INO80: variants seen among roughly 807,000 people sequenced by gnomAD.
INO80 encodes chromatin-remodeling ATPase INO80.
In INO80, 20 loss-of-function variants were observed where a neutral mutation model predicts 203.4. That is an observed-to-expected ratio of 0.10 (90% confidence interval 0.07 to 0.14). INO80 has a LOEUF of 0.14. Among genes scored for constraint, INO80 ranks in the 10% least tolerant of loss-of-function variants. The probability of loss-of-function intolerance (pLI) is 1.00; values close to 1 mark genes in which losing one functional copy is unlikely to be tolerated. For missense variants in INO80, 1,419 were observed against 1,914.4 expected (o/e 0.74, Z 4.83); for synonymous variants, 726 against 685.2 (o/e 1.06, Z -0.93).
At chr15:41,077,359 C>CAAAAAAAAAAAAAAA (rs750218617) in intron 9 of INO80, among the ~76,000 whole-genome samples, 1 of 74,468 alleles carries the variant, frequency 1.3e-5, no homozygotes, top group Non-Finnish European at 3.2e-5. Flanking sequence ...GGGAATACAG[C>CAAAAAAAAAAAAAAA]AAAAAAAAAA....
chr15:41,038,115 A>T (rs1176375675), intron 24 of INO80, among the ~76,000 whole-genome samples: 1 of 144,890 alleles, frequency 6.9e-6, no homozygotes, highest in Non-Finnish European at 1.5e-5. Flanking sequence ...CCCGTTTTCA[A>T]GTGATTCTCC....
In INO80 at chr15:41,074,461, T is replaced by C; in HGVS notation, c.1236A>G (p.Glu412=). 1 of 1,614,088 alleles carries C rather than the reference T, an allele frequency of 6.2e-7. No individual in the cohort carries two copies. Among genetic ancestry groups the C allele is most frequent in the Non-Finnish European group, 8.5e-7 (1 of 1,179,926 alleles). ...KRDMGHDGIQ[E]EILRKLEDSS... is the part of the protein sequence containing the mutation. ...TGTCTTCCAGTTTCCTTAGGATTTC[T>C]TCCTGGATACCATCATGACCCATAT... is the stretch of plus-strand genomic sequence containing the variant. Residue 412 remains glutamate, a synonymous_variant, in exon 10 of 36, where the codon GAA becomes GAG. Transcript: ENST00000648947.
rs547461651 is a variant in INO80 at position 41,054,800 on chromosome 15, G to A, written c.2188+447C>T. ...ATTACAGGTACCCGCCATCATGCCC[G>A]GCTAATTTTTGCGTTTTTGTAGAGA... On this transcript the variant is annotated intron_variant, in intron 18 of 35. Transcript: ENST00000648947. Among the ~76,000 whole-genome samples, 74 of 152,172 alleles carry A rather than the reference G, an allele frequency of 4.9e-4. 2 individuals carry two copies. Among genetic ancestry groups the A allele is most frequent in the African/African-American group, 1.6e-3 (65 of 41,516 alleles).
At position 41,082,856 on chromosome 15, in the gene INO80, C is replaced by A. The variant is rs181446319; in HGVS notation, c.874-1783G>T. ...CCAAGATGAGTCCACTGCACTCCAG[C>A]CTGGGCAACAGAACAAGACCCTATC... is the stretch of plus-strand genomic sequence containing the variant. On this transcript the variant is annotated intron_variant, in intron 7 of 35. Coordinates refer to ENST00000648947, the MANE Select transcript of INO80 (RefSeq NM_017553.3). Among the ~76,000 whole-genome samples, 19 of 152,184 alleles carry A rather than the reference C, an allele frequency of 1.2e-4. No individual in the cohort carries two copies. In the South Asian group the frequency reaches 2.1e-3, roughly 17 times the overall value.
chr15:40,992,524 T>G (rs1164287517), intron 29 of INO80, among the ~76,000 whole-genome samples: 2 of 152,236 alleles, frequency 1.3e-5, no homozygotes, highest in Non-Finnish European at 2.9e-5. Context: ...TTTAGGTTGA[T>G]TAATCTCTTC....
At chr15:41,059,836 A>C in intron 15 of INO80, 31 bp downstream of exon 15, 1 of 1,408,368 alleles carries the variant, frequency 7.1e-7, no homozygotes. Context: ...CATGTACGGT[A>C]CGTATGTATG....
rs368293981 is a variant in INO80, at chr15:40,987,885, A to G, written c.3660T>C (p.Thr1220=). 6 of 1,614,046 alleles carry G rather than the reference A, an allele frequency of 3.7e-6. No individual in the cohort carries two copies. In the African/African-American group the frequency reaches 8.0e-5, roughly 22 times the overall value. The change falls in exon 30 of 36, where the codon ACT becomes ACC. Residue 1220 remains threonine, a synonymous_variant. Transcript: ENST00000648947. The part of the protein sequence containing the change: ...AHRLGQTKQV[T]VYRLICKGTI... ...TGCCTTTACAGATGAGCCGGTACAC[A>G]GTAACCTGCTTTGTCTGCCCTAAGC... is the stretch of plus-strand genomic sequence containing the variant.
At chr15:41,066,531 A>G (rs2045219196) in intron 14 of INO80, among the ~76,000 whole-genome samples, 1 of 151,748 alleles carries the variant, frequency 6.6e-6, no homozygotes, top group African/African-American at 2.4e-5. Flanking sequence ...TTGGGGCACT[A>G]GGAAAAAAAA....
At chr15:41,054,930 G>A (rs1364781716) in intron 18 of INO80, among the ~76,000 whole-genome samples, 1 of 152,078 alleles carries the variant, frequency 6.6e-6, no homozygotes, top group African/African-American at 2.4e-5. Context: ...GAGCCACCAT[G>A]CCTGGCCAAT....
chr15:41,059,989 T>C (rs1322438351), intron 14 of INO80, 63 bp from the exon 15 acceptor site: 2 of 1,098,178 alleles, frequency 1.8e-6, no homozygotes, highest in African/African-American at 3.2e-5. Flanking sequence ...TTAGAACAAA[T>C]ATATAATTCG....
intron 25 of INO80, among the ~76,000 whole-genome samples, chr15:41,023,842 A>T (rs904032388): frequency 6.6e-6 from 1 of 151,240 alleles, no homozygotes; most frequent in Non-Finnish European, 1.5e-5. Context: ...ATACAGACCA[A>T]TTTTTATACT....
chr15:40,997,623 G>A, intron 28 of INO80, 22 bp from the exon 29 acceptor site: 1 of 1,562,620 alleles, frequency 6.4e-7, no homozygotes, highest in Non-Finnish European at 8.8e-7. Context: ...GGAGAGATAT[G>A]TTAAAGGAAA....
At chr15:41,068,880 A>T (rs1326669366) in intron 14 of INO80, among the ~76,000 whole-genome samples, 2 of 152,070 alleles carry the variant, frequency 1.3e-5, no homozygotes, top group African/African-American at 4.8e-5. Context: ...CAAAAACAAG[A>T]CATGTATTAA....
chr15:41,097,266 G>A, intron 1 of INO80, among the ~76,000 whole-genome samples: 1 of 151,698 alleles, frequency 6.6e-6, no homozygotes, highest in East Asian at 1.9e-4. Flanking sequence ...GGCTGGTCTT[G>A]AACTCCTGAC....
chr15:41,039,686 A>C (rs1483244034), intron 24 of INO80, among the ~76,000 whole-genome samples: 1 of 152,230 alleles, frequency 6.6e-6, no homozygotes, highest in Non-Finnish European at 1.5e-5. Context: ...TCAATCGATA[A>C]GCACTTACGA....
chr15:41,099,261 A>C (rs1300546280), intron 1 of INO80, among the ~76,000 whole-genome samples: 13 of 133,184 alleles, frequency 9.8e-5, no homozygotes, highest in African/African-American at 2.7e-4. Context: ...AAAAAAAAAA[A>C]AAAAAACAAA....
intron 1 of INO80, among the ~76,000 whole-genome samples, chr15:41,099,811 A>G (rs2045781269): frequency 6.6e-6 from 1 of 152,090 alleles, no homozygotes; most frequent in South Asian, 2.1e-4. Context: ...TCACCTTTTC[A>G]AAATGAGACC....
chr15:40,998,230 C>A (rs1334023287), intron 28 of INO80, among the ~76,000 whole-genome samples: 1 of 151,888 alleles, frequency 6.6e-6, no homozygotes, highest in Non-Finnish European at 1.5e-5. Flanking sequence ...ATCATATTGG[C>A]CAGGCTGGTC....
At chr15:41,082,755 A>G (rs2045504070) in intron 7 of INO80, among the ~76,000 whole-genome samples, 1 of 152,126 alleles carries the variant, frequency 6.6e-6, no homozygotes, top group African/African-American at 2.4e-5. Flanking sequence ...GTGGTGGCAC[A>G]CACTTATAGC....
Sources: gnomAD v4.1 joint callset for allele counts (sites outside exome capture counted in the v4.1 genomes callset) on GRCh38, gnomAD v4.1.1 for gene constraint, MANE v1.5 for transcripts, NCBI Gene and HGNC (gene_info 2026-07-23, HGNC 2026-07-21) for gene names.